Variants in MOGAT3 observed in about 807,000 individuals in gnomAD.
MOGAT3 encodes the protein 2-acylglycerol O-acyltransferase 3.
In MOGAT3, 39 loss-of-function variants were observed where a neutral mutation model predicts 34.4. That is an observed-to-expected ratio of 1.13 (90% CI 0.88 to 1.48). MOGAT3 has a LOEUF of 1.48. Among genes scored for constraint, MOGAT3 ranks in the 40% most tolerant of loss-of-function variants. The pLI is 0.00. For missense variants in MOGAT3, 439 were observed against 438.9 expected (o/e 1.00, Z 0.00); for synonymous variants, 209 against 179.2 (o/e 1.17, Z -1.33).
At chr7:101,199,112 ATCC>A (rs1797884444) in intron 3 of MOGAT3, among the ~76,000 whole-genome samples, 1 of 148,320 alleles carries the variant, frequency 6.7e-6, no homozygotes, top group African/African-American at 2.5e-5. Flanking sequence ...GGTTCAAGCT[ATCC>A]TCCTGCCTCA....
intron 5 of MOGAT3, 42 bp from the exon 6 acceptor site, chr7:101,196,431 A>G (rs199970130): frequency 4.5e-5 from 68 of 1,508,096 alleles, no homozygotes; most frequent in African/African-American, 1.4e-5. Flanking sequence ...AGGCTGCTGG[A>G]CTGCTCCGAG....
chr7:101,198,549 G>A (rs1223996660), intron 4 of MOGAT3, 77 bp downstream of exon 4: 23 of 1,420,614 alleles, frequency 1.6e-5, no homozygotes, highest in Non-Finnish European at 2.2e-5. Context: ...CTTATTATGG[G>A]GGGGGGTGGT....
chr7:101,200,821 T>A lies in MOGAT3; in HGVS notation c.34A>T (p.Thr12Ser). 1.2e-6 allele frequency: 2 copies of A among 1,613,998 alleles called. No individual in the cohort carries two copies. The highest frequency in any genetic ancestry group is 1.1e-5 in the South Asian group (1 of 91,064). Reference sequence around the variant, plus strand: ...TGCTGCTTCTGCAAGGTTTTGGAAGTGGTTGGGGGCTGCAGGGTTGTGGCA... The same window carrying A: ...TGCTGCTTCTGCAAGGTTTTGGAAGAGGTTGGGGGCTGCAGGGTTGTGGCA... ...GVATTLQPPT[T>S]SKTLQKQHLE... Residue 12 changes from threonine (T) to serine (S), a missense_variant, in exon 1 of 7, where the codon ACT becomes TCT. Coordinates refer to ENST00000223114, the MANE Select transcript of MOGAT3 (RefSeq NM_178176.4).
At chr7:101,198,954 G>A (rs1358033388) in intron 3 of MOGAT3, 124 bp from the exon 4 acceptor site, 1 of 750,884 alleles carries the variant, frequency 1.3e-6, no homozygotes, top group Non-Finnish European at 2.2e-6. Flanking sequence ...GGCCACCCCA[G>A]CAGAGTTCCG....
At chr7:101,197,167 T>A (rs1191631220) in intron 5 of MOGAT3, among the ~76,000 whole-genome samples, 4 of 151,782 alleles carry the variant, frequency 2.6e-5, no homozygotes, top group Non-Finnish European at 4.4e-5. Context: ...AATTAGAAAA[T>A]TTTAAAAAAT....
downstream of MOGAT3, among the ~76,000 whole-genome samples, chr7:101,194,792 C>T (rs11767552): frequency 0.077 from 11,664 of 152,080 alleles, 735 homozygotes; most frequent in African/African-American, 0.17. Context: ...TGAGCCACCG[C>T]GCCCAGCCTC....
chr7:101,197,015 T>G (rs893191805), intron 5 of MOGAT3, among the ~76,000 whole-genome samples: 1 of 151,204 alleles, frequency 6.6e-6, no homozygotes, highest in Admixed American at 6.6e-5. Context: ...ATACAAAAAT[T>G]AGCCAGACGT....
chr7:101,197,070 C>T (rs373513937), intron 5 of MOGAT3, among the ~76,000 whole-genome samples: 36 of 148,272 alleles, frequency 2.4e-4, no homozygotes, highest in Admixed American at 6.1e-4. Context: ...GGCTTGAACT[C>T]GGGAGGTGGA....
At position 101,200,910 on chromosome 7, in the gene MOGAT3, G is replaced by T; in HGVS notation, c.-56C>A. The stretch of plus-strand genomic sequence containing the variant: ...CAGAACCCGGAGGACAAACGATGAA[G>T]GCTTGGATGTGGACCTGGGCAGACT... On this transcript the variant is annotated 5_prime_UTR_variant, in exon 1 of 7. Coordinates refer to ENST00000223114, the MANE Select transcript of MOGAT3 (RefSeq NM_178176.4). The T allele has an allele frequency of 6.9e-7, 1 of 1,448,138 alleles. No homozygotes were observed. The highest frequency in any genetic ancestry group is 9.5e-7 in the Non-Finnish European group (1 of 1,049,428). 89.7% of individuals were successfully genotyped at this position (1,448,138 alleles called of 1,614,324 possible).
At chr7:101,197,758 G>A (rs899685508) in intron 5 of MOGAT3, among the ~76,000 whole-genome samples, 1 of 152,114 alleles carries the variant, frequency 6.6e-6, no homozygotes, top group Non-Finnish European at 1.5e-5. Context: ...AAATTAGCCC[G>A]GAGTGGTGGT....
Position 101,200,929 on chromosome 7 carries a change from G to A in MOGAT3, c.-75C>T, listed in dbSNP as rs529377265. 84 of 1,266,520 alleles carry A rather than the reference G, an allele frequency of 6.6e-5. No homozygotes were observed. The African/African-American group carries it at 1.1e-3, about 16-fold the overall frequency. 78.5% of individuals were successfully genotyped at this position (1,266,520 alleles called of 1,614,324 possible). On this transcript the variant is annotated 5_prime_UTR_variant, in exon 1 of 7. Transcript: ENST00000223114. ...GATGAAGGCTTGGATGTGGACCTGG[G>A]CAGACTTTCTCCCTACAGGAGCCCA... is the stretch of plus-strand genomic sequence containing the variant.
At position 101,200,984 on chromosome 7, in the gene MOGAT3, A is replaced by C. The variant is rs1584244308; in HGVS notation, c.-130T>G. On this transcript the variant is annotated 5_prime_UTR_variant, in exon 1 of 7. Transcript: ENST00000223114. ...TGGGGGCCTGGCTAAGTCGCAAATC[A>C]CCTCCCAGAGTAGCGTGTGTCCGTA... 1.5e-6 allele frequency: 1 copy of C among 656,012 alleles called. No individual in the cohort carries two copies. The highest frequency in any genetic ancestry group is 2.7e-6 in the Non-Finnish European group (1 of 377,052). 40.6% of individuals were successfully genotyped at this position (656,012 alleles called of 1,614,324 possible).
intron 4 of MOGAT3, 87 bp from the exon 5 acceptor site, chr7:101,198,452 A>C (rs1279162038): frequency 2.8e-6 from 4 of 1,410,690 alleles, no homozygotes; most frequent in Non-Finnish European, 3.8e-6. Flanking sequence ...CAAGCCCCCT[A>C]CCCCCATCTC....
In MOGAT3 at chr7:101,199,399, G is replaced by T. The variant is rs1253048541; in HGVS notation, c.289-569C>A. On this transcript the variant is annotated intron_variant, in intron 3 of 6. Coordinates refer to ENST00000223114, the MANE Select transcript of MOGAT3 (RefSeq NM_178176.4). ...ATCATCTCAGCTCACCACAACCTCC[G>T]CCTCCCTGGTTCAAGCAATTCTCCT... Among the ~76,000 whole-genome samples the T allele has an allele frequency of 2.7e-5, 4 of 149,668 alleles. No individual in the cohort carries two copies. The South Asian group carries it at 8.5e-4, about 32-fold the overall frequency.
Position 101,195,716 on chromosome 7 carries a change from C to A in MOGAT3, c.*230G>T. ...GCCACCATGCCCGGCTAATTAACAA[C>A]ATTATTTTTTAATTTTTGTAGAAAT... On this transcript the variant is annotated 3_prime_UTR_variant, in exon 7 of 7. Coordinates refer to ENST00000223114, the MANE Select transcript of MOGAT3 (RefSeq NM_178176.4). The A allele has an allele frequency of 1.8e-6, 1 of 566,258 alleles. No homozygotes were observed. The highest frequency in any genetic ancestry group is 3.2e-5 in the Admixed American group (1 of 30,842). The allele number at this position is 566,258 out of a possible 1,614,324, so 35.1% of individuals were successfully genotyped here. A position where few individuals can be genotyped will look rare whatever the true frequency, so the allele number is the denominator to read the frequency against.
At position 101,195,646 on chromosome 7, in the gene MOGAT3, A is replaced by C. The variant is rs1031880392; in HGVS notation, c.*300T>G. On this transcript the variant is annotated 3_prime_UTR_variant, in exon 7 of 7. Coordinates refer to ENST00000223114, the MANE Select transcript of MOGAT3 (RefSeq NM_178176.4). ...AACCTCCGCCTCCTGGGTTTAAGCAAGTCTCCTGCCTCAGCCTCCCAAATA... is the reference window on the plus strand; with the variant it reads ...AACCTCCGCCTCCTGGGTTTAAGCACGTCTCCTGCCTCAGCCTCCCAAATA... The C allele has an allele frequency of 4.5e-5, 17 of 379,100 alleles. No individual in the cohort carries two copies. The highest frequency in any genetic ancestry group is 7.2e-5 in the Non-Finnish European group (15 of 209,462). The allele number at this position is 379,100 out of a possible 1,614,324, so 23.5% of individuals were successfully genotyped here.
chr7:101,196,950 G>A (rs1223183622), intron 5 of MOGAT3, among the ~76,000 whole-genome samples: 1 of 152,018 alleles, frequency 6.6e-6, no homozygotes. Flanking sequence ...ATCACCTGAG[G>A]TCAGGAGTTC....
intron 5 of MOGAT3, 143 bp downstream of exon 5, chr7:101,198,048 A>G: frequency 2.5e-6 from 2 of 794,108 alleles, no homozygotes; most frequent in Non-Finnish European, 3.7e-6. Context: ...CATGCCCTGG[A>G]GAGCCCACGT....
chr7:101,195,938 G>C lies in MOGAT3; in HGVS notation c.*8C>G, dbSNP rs548393513. ...GCTCAGGGGCTCAGCGAAAGGCCGC[G>C]GCCAGGCCTAGATGAAGGTGAGGCA... On this transcript the variant is annotated 3_prime_UTR_variant, in exon 7 of 7. Transcript: ENST00000223114. 1.4e-5 allele frequency: 23 copies of C among 1,614,066 alleles called. No individual in the cohort carries two copies. In the South Asian group the frequency reaches 2.2e-4, roughly 15 times the overall value.
Sources: gnomAD v4.1 joint callset for allele counts (sites outside exome capture counted in the v4.1 genomes callset) on GRCh38, gnomAD v4.1.1 for gene constraint, MANE v1.5 for transcripts, NCBI Gene and HGNC (gene_info 2026-07-23, HGNC 2026-07-21) for gene names.